BMP7: variants seen among roughly 807,000 people sequenced by gnomAD.
BMP7 encodes osteogenic protein 1.
BMP7 carries 12 observed loss-of-function variants against 41.2 expected under a neutral mutation model. The observed-to-expected ratio is 0.29, with a 90% CI of 0.19 to 0.47. The LOEUF is 0.47. Ranked by LOEUF, BMP7 falls within the 20% of genes least tolerant of loss-of-function variation. The pLI, the probability that BMP7 is intolerant of heterozygous loss-of-function variation, is 0.99. For missense variants in BMP7, 467 were observed against 606.0 expected (o/e 0.77, Z 2.41); for synonymous variants, 248 against 250.0 (o/e 0.99, Z 0.07).
chr20:57,265,586 A>G, intron 1 of BMP7, 119 bp downstream of exon 1: 1 of 1,454,316 alleles, frequency 6.9e-7, no homozygotes, highest in South Asian at 1.2e-5. Context: ...TCGGGCAGGC[A>G]CTGCGATTTC....
chr20:57,228,203 C>A lies in BMP7; in HGVS notation c.611+26G>T, dbSNP rs760318528. 6.2e-6 allele frequency: 10 copies of A among 1,611,110 alleles called. No homozygotes were observed. The East Asian group carries it at 2.2e-4, about 36-fold the overall frequency. ...TGCCCCCAGAGGAAACTCAGCACCT[C>A]TCCCAGATACCCGTATAGCACCCAC... On this transcript the variant is annotated intron_variant, in intron 2 of 6. Coordinates refer to ENST00000395863, the MANE Select transcript of BMP7 (RefSeq NM_001719.3). The surrounding 1 kb of genome is among the most constrained non-coding windows in gnomAD (Gnocchi z 4.5).
At chr20:57,204,585 G>C (rs1028152037) in intron 2 of BMP7, among the ~76,000 whole-genome samples, 4 of 152,218 alleles carry the variant, frequency 2.6e-5, no homozygotes, top group African/African-American at 9.6e-5. Flanking sequence ...AAGCACAGAA[G>C]GAACGAATCG....
Position 57,202,396 on chromosome 20 carries a change from A to C in BMP7, c.760+79T>G, listed in dbSNP as rs975111128. 11 of 1,552,612 alleles carry C rather than the reference A, an allele frequency of 7.1e-6. No individual in the cohort carries two copies. In the African/African-American group the frequency reaches 1.5e-4, roughly 21 times the overall value. On this transcript the variant is annotated intron_variant, in intron 3 of 6. Coordinates refer to ENST00000395863, the MANE Select transcript of BMP7 (RefSeq NM_001719.3). The stretch of plus-strand genomic sequence containing the variant: ...CGGGGAAGCCTGTTTGTAGTGAAGC[A>C]AGCATGAGCACTGCTGAGACCCTCC...
At chr20:57,206,292 C>T (rs1007030247) in intron 2 of BMP7, among the ~76,000 whole-genome samples, 2 of 152,282 alleles carry the variant, frequency 1.3e-5, no homozygotes, top group African/African-American at 4.8e-5. Context: ...CTGAGAATCT[C>T]GGTGCTTTCC....
intron 1 of BMP7, among the ~76,000 whole-genome samples, chr20:57,248,235 C>A (rs1168993804): frequency 6.6e-6 from 1 of 152,164 alleles, no homozygotes; most frequent in Non-Finnish European, 1.5e-5. Context: ...TAACTGTATA[C>A]AACACAGGAA....
At chr20:57,176,203 T>C (rs1983918414) in intron 4 of BMP7, among the ~76,000 whole-genome samples, 1 of 152,132 alleles carries the variant, frequency 6.6e-6, no homozygotes, top group Non-Finnish European at 1.5e-5. Context: ...CAAAAAATAA[T>C]GAAGCCCCCC....
chr20:57,233,173 A>T (rs2066035392), intron 1 of BMP7, among the ~76,000 whole-genome samples: 1 of 152,106 alleles, frequency 6.6e-6, no homozygotes, highest in Non-Finnish European at 1.5e-5. Flanking sequence ...ACATCTCCCC[A>T]TGCCCACAGA....
chr20:57,171,173 G>T lies in BMP7; in HGVS notation c.1147-65C>A. On this transcript the variant is annotated intron_variant, in intron 6 of 6. Coordinates refer to ENST00000395863, the MANE Select transcript of BMP7 (RefSeq NM_001719.3). This position sits in a 1 kb window ranked among gnomAD's most constrained non-coding sequence, Gnocchi z 4.5. Reference sequence around the variant, plus strand: ...GTGAGTCGTTCTAACTGGCCTCCACGTTTCTATAAAGAAACATCCTGTCTG... The same window carrying T: ...GTGAGTCGTTCTAACTGGCCTCCACTTTTCTATAAAGAAACATCCTGTCTG... The T allele has an allele frequency of 3.7e-6, 6 of 1,604,842 alleles. No homozygotes were observed. The highest frequency in any genetic ancestry group is 5.1e-6 in the Non-Finnish European group (6 of 1,172,574).
At chr20:57,196,606 A>G (rs1367650612) in intron 3 of BMP7, among the ~76,000 whole-genome samples, 4 of 152,244 alleles carry the variant, frequency 2.6e-5, no homozygotes, top group South Asian at 4.1e-4. Flanking sequence ...GGGGAAGACC[A>G]TCATTCATCA....
chr20:57,228,096 T>C lies in BMP7; in HGVS notation c.611+133A>G. ...AGTGACATACACCATACACCTTCTTTAGAAGGGATAATCTGGTACAGGGCC... is the reference window on the plus strand; with the variant it reads ...AGTGACATACACCATACACCTTCTTCAGAAGGGATAATCTGGTACAGGGCC... On this transcript the variant is annotated intron_variant, in intron 2 of 6. Coordinates refer to ENST00000395863, the MANE Select transcript of BMP7 (RefSeq NM_001719.3). The surrounding 1 kb of genome is among the most constrained non-coding windows in gnomAD (Gnocchi z 4.5). 9.7e-7 allele frequency: 1 copy of C among 1,030,464 alleles called. No homozygotes were observed. The highest frequency in any genetic ancestry group is 1.5e-6 in the Non-Finnish European group (1 of 659,096). 63.8% of individuals were successfully genotyped at this position (1,030,464 alleles called of 1,614,324 possible). A position where few individuals can be genotyped will look rare whatever the true frequency, so the allele number is the denominator to read the frequency against.
intron 5 of BMP7, 68 bp from the exon 6 acceptor site, chr20:57,173,378 C>A: frequency 6.7e-7 from 1 of 1,489,040 alleles, no homozygotes; most frequent in Non-Finnish European, 9.3e-7. Flanking sequence ...AACCCCCATG[C>A]TGGCCAGAAA....
At chr20:57,225,039 G>A (rs1425826936) in intron 2 of BMP7, among the ~76,000 whole-genome samples, 1 of 152,218 alleles carries the variant, frequency 6.6e-6, no homozygotes, top group African/African-American at 2.4e-5. Context: ...TCCCAGCCCT[G>A]CACAGCTGGG....
chr20:57,176,755 C>CACAT (rs1372356966), intron 4 of BMP7, among the ~76,000 whole-genome samples: 1 of 126,124 alleles, frequency 7.9e-6, no homozygotes, highest in Non-Finnish European at 1.9e-5. Context: ...TCCATTCACA[C>CACAT]ACACACACAC....
intron 2 of BMP7, among the ~76,000 whole-genome samples, chr20:57,223,481 G>C (rs1985239587): frequency 6.6e-6 from 1 of 152,170 alleles, no homozygotes; most frequent in South Asian, 2.1e-4. Flanking sequence ...TGAGCCCCAG[G>C]TGAGGGAATC....
chr20:57,182,549 G>C (rs931583884), intron 4 of BMP7, among the ~76,000 whole-genome samples: 42 of 152,244 alleles, frequency 2.8e-4, no homozygotes, highest in African/African-American at 1.0e-3. Context: ...AGATGGCCCC[G>C]GCAATGCCCA....
intron 2 of BMP7, among the ~76,000 whole-genome samples, chr20:57,211,326 C>A (rs1984878906): frequency 6.6e-6 from 1 of 152,180 alleles, no homozygotes; most frequent in African/African-American, 2.4e-5. Context: ...AGGCCCCAGG[C>A]CAGAGGTTAC....
chr20:57,229,958 C>T (rs751398735), intron 1 of BMP7, among the ~76,000 whole-genome samples: 15 of 152,156 alleles, frequency 9.9e-5, no homozygotes, highest in Admixed American at 4.6e-4. Context: ...GGGAATTACC[C>T]GCTCAGGCTG....
At chr20:57,173,747 T>A (rs1983862529) in intron 5 of BMP7, among the ~76,000 whole-genome samples, 1 of 152,076 alleles carries the variant, frequency 6.6e-6, no homozygotes, top group African/African-American at 2.4e-5. Context: ...GGAAGGAGCC[T>A]CCGGTGTGAG....
chr20:57,236,015 A>C (rs1471414225), intron 1 of BMP7, among the ~76,000 whole-genome samples: 1 of 152,048 alleles, frequency 6.6e-6, no homozygotes, highest in Non-Finnish European at 1.5e-5. Context: ...TACCCAGTAC[A>C]TGCACCCTCC....
Sources: gnomAD v4.1 joint callset for allele counts (sites outside exome capture counted in the v4.1 genomes callset) on GRCh38, gnomAD v4.1.1 for gene constraint, Gnocchi (gnomAD v3.1) non-coding constraint, MANE v1.5 for transcripts, NCBI Gene and HGNC (gene_info 2026-07-23, HGNC 2026-07-21) for gene names.